The following TAFA5 variants were observed in gnomAD, a reference collection of about 807,000 sequenced individuals.
TAFA5 encodes TAFA chemokine like family member 5.
Under a neutral mutation model 15.3 loss-of-function variants are expected in TAFA5, and 6 were observed. That is an observed-to-expected ratio of 0.39 (90% CI 0.21 to 0.77). The LOEUF (loss-of-function observed/expected upper bound fraction) is 0.77. Among genes scored for constraint, TAFA5 ranks in the 30% least tolerant of loss-of-function variants. The pLI is 0.41. For missense variants in TAFA5, 161 were observed against 193.1 expected, an observed-to-expected ratio of 0.83 and a Z score of 0.98; for synonymous variants, 103 against 80.7, an observed-to-expected ratio of 1.28 and a Z score of -1.48.
At position 48,580,474 on chromosome 22, in the gene TAFA5, G is replaced by A. The variant is rs199929479; in HGVS notation, c.113-66123G>A. Among the ~76,000 whole-genome samples, 4 of 152,214 alleles carry A rather than the reference G, an allele frequency of 2.6e-5. No individual in the cohort carries two copies. In the South Asian group the frequency reaches 6.2e-4, roughly 24 times the overall value. On this transcript the variant is annotated intron_variant, in intron 1 of 3. Coordinates refer to ENST00000402357, the MANE Select transcript of TAFA5 (RefSeq NM_001082967.3). Reference sequence around the variant, plus strand: ...TCCATCAAAAATATTTGCTGAATGCGTACAGCCATTCTGTCCCAGAGGCAT... The same window carrying A: ...TCCATCAAAAATATTTGCTGAATGCATACAGCCATTCTGTCCCAGAGGCAT...
intron 2 of TAFA5, among the ~76,000 whole-genome samples, chr22:48,697,477 ATGT>A (rs1265670829): frequency 6.6e-6 from 1 of 151,566 alleles, no homozygotes; most frequent in African/African-American, 2.4e-5. Flanking sequence ...GATGATGGTG[ATGT>A]TGGTGATGGT....
At chr22:48,645,643 G>A (rs976269176) in intron 1 of TAFA5, among the ~76,000 whole-genome samples, 6 of 152,116 alleles carry the variant, frequency 3.9e-5, no homozygotes, top group South Asian at 2.1e-4. Context: ...GGGAGCAGAG[G>A]TGGTGTGACA....
chr22:48,684,163 A>T (rs545329345), intron 2 of TAFA5, among the ~76,000 whole-genome samples: 1 of 151,872 alleles, frequency 6.6e-6, no homozygotes, highest in Non-Finnish European at 1.5e-5. Context: ...TTTTCTTGGG[A>T]GGGGAGTGAG....
At chr22:48,573,602 G>T (rs1923659706) in intron 1 of TAFA5, among the ~76,000 whole-genome samples, 2 of 152,216 alleles carry the variant, frequency 1.3e-5, no homozygotes, top group African/African-American at 4.8e-5. Context: ...AATGCCACAT[G>T]CATTTACTAA....
intron 1 of TAFA5, among the ~76,000 whole-genome samples, chr22:48,524,289 C>T (rs572256952): frequency 1.3e-5 from 2 of 152,272 alleles, no homozygotes; most frequent in Admixed American, 1.3e-4. Flanking sequence ...TGCTGGGCTG[C>T]GCCTTTGGCG....
At chr22:48,604,668 G>T (rs1283450751) in intron 1 of TAFA5, among the ~76,000 whole-genome samples, 1 of 152,210 alleles carries the variant, frequency 6.6e-6, no homozygotes, top group Non-Finnish European at 1.5e-5. Flanking sequence ...CAAGCCCCCA[G>T]CTAGCTTGTG....
intron 1 of TAFA5, among the ~76,000 whole-genome samples, chr22:48,531,349 G>A (rs370024524): frequency 5.3e-5 from 8 of 152,188 alleles, no homozygotes; most frequent in Admixed American, 1.3e-4. Context: ...CTGGGGCACC[G>A]GCCTGCCTGT....
At position 48,506,985 on chromosome 22, in the gene TAFA5, C is replaced by T. The variant is rs117063571; in HGVS notation, c.112+17281C>T. On this transcript the variant is annotated intron_variant, in intron 1 of 3. Coordinates refer to ENST00000402357, the MANE Select transcript of TAFA5 (RefSeq NM_001082967.3). ...CCACAGCAGAGGGGGGACTGGGCAC[C>T]GAGTGGCATGGGGAGAACCCCGTGG... Among the ~76,000 whole-genome samples, 521 of 152,150 alleles carry T rather than the reference C, an allele frequency of 3.4e-3. 12 individuals carry two copies. In the East Asian group the frequency reaches 0.053, roughly 16 times the overall value.
At chr22:48,554,511 G>A (rs897999023) in intron 1 of TAFA5, among the ~76,000 whole-genome samples, 10 of 152,284 alleles carry the variant, frequency 6.6e-5, no homozygotes, top group African/African-American at 2.4e-4. Context: ...TGGAAATTCT[G>A]GAAAGGAGGG....
At chr22:48,532,602 C>T (rs147800127) in intron 1 of TAFA5, among the ~76,000 whole-genome samples, 130 of 152,302 alleles carry the variant, frequency 8.5e-4, no homozygotes, top group Admixed American at 1.7e-3. Flanking sequence ...ACTATAGTCA[C>T]GTCCAGCATC....
intron 2 of TAFA5, among the ~76,000 whole-genome samples, chr22:48,660,635 C>T (rs1475984360): frequency 6.6e-6 from 1 of 152,254 alleles, no homozygotes; most frequent in Non-Finnish European, 1.5e-5. Flanking sequence ...GCGAATTCAT[C>T]TCAGCACCTC....
At chr22:48,743,438 C>T (rs1049685624) in intron 3 of TAFA5, among the ~76,000 whole-genome samples, 5 of 152,224 alleles carry the variant, frequency 3.3e-5, no homozygotes, top group African/African-American at 1.2e-4. Flanking sequence ...TCTGATACGA[C>T]CCCATTCTAA....
chr22:48,514,054 G>A (rs1156968954), intron 1 of TAFA5, among the ~76,000 whole-genome samples: 6 of 152,146 alleles, frequency 3.9e-5, no homozygotes, highest in African/African-American at 1.4e-4. Context: ...CCGTCTTGGG[G>A]CCAAGCACTT....
intron 1 of TAFA5, among the ~76,000 whole-genome samples, chr22:48,563,569 G>T (rs2147133780): frequency 6.6e-6 from 1 of 152,338 alleles, no homozygotes; most frequent in South Asian, 2.1e-4. Flanking sequence ...TCTGAGAAGG[G>T]GCTCTTGCTG....
chr22:48,550,189 A>G lies in TAFA5; in HGVS notation c.112+60485A>G, dbSNP rs548199151. Among the ~76,000 whole-genome samples the G allele has an allele frequency of 6.6e-6, 1 of 152,324 alleles. No individual in the cohort carries two copies. The highest frequency in any genetic ancestry group is 1.9e-4 in the East Asian group (1 of 5,178). Reference sequence around the variant, plus strand: ...GTGGCCCTGCCCTGTTTCCACACACAGCCTACCTAGAGCTAGAGAAGGCTC... The same window carrying G: ...GTGGCCCTGCCCTGTTTCCACACACGGCCTACCTAGAGCTAGAGAAGGCTC... On this transcript the variant is annotated intron_variant, in intron 1 of 3. Transcript: ENST00000402357. The surrounding 1 kb of genome is among the most constrained non-coding windows in gnomAD (Gnocchi z 4.1).
At chr22:48,576,464 C>G in intron 1 of TAFA5, 1 of 1,413,986 alleles carries the variant, frequency 7.1e-7, no homozygotes, top group Non-Finnish European at 9.4e-7. Flanking sequence ...GGGCGTCGGC[C>G]GAGTTGGGAC....
intron 2 of TAFA5, among the ~76,000 whole-genome samples, chr22:48,680,490 C>G (rs132219): frequency 0.65 from 98,190 of 151,608 alleles, 32,855 homozygotes; most frequent in Non-Finnish European, 0.74. Context: ...TAAGAGGTGA[C>G]GGCAGCACAC....
intron 1 of TAFA5, among the ~76,000 whole-genome samples, chr22:48,528,332 C>A (rs1311336906): frequency 1.3e-5 from 2 of 152,130 alleles, no homozygotes; most frequent in Non-Finnish European, 1.5e-5. Flanking sequence ...CTGGGTGCAT[C>A]GTGTCTCCAG....
chr22:48,736,834 G>C (rs1371174549), intron 3 of TAFA5, among the ~76,000 whole-genome samples: 1 of 152,240 alleles, frequency 6.6e-6, no homozygotes, highest in East Asian at 1.9e-4. Flanking sequence ...GTCCAGGACG[G>C]AGATGGGGAG....
Sources: gnomAD v4.1 joint callset for allele counts (sites outside exome capture counted in the v4.1 genomes callset) on GRCh38, gnomAD v4.1.1 for gene constraint, Gnocchi (gnomAD v3.1) non-coding constraint, MANE v1.5 for transcripts, NCBI Gene and HGNC (gene_info 2026-07-23, HGNC 2026-07-21) for gene names.